CYFIP1: variants seen among roughly 807,000 people sequenced by gnomAD.
CYFIP1 encodes the protein cytoplasmic FMR1 interacting protein 1.
In CYFIP1, 58 loss-of-function variants were observed where a neutral mutation model predicts 163.5. The ratio of observed to expected loss-of-function variants is 0.35; its 90% CI spans 0.29 to 0.44. The LOEUF (loss-of-function observed/expected upper bound fraction) is 0.44. CYFIP1 is among the 20% of genes least tolerant of loss of function. The pLI is 1.00. For missense variants in CYFIP1, 1,338 were observed against 1,653.8 expected (o/e 0.81, Z 3.31); for synonymous variants, 663 against 660.7 (o/e 1.00, Z -0.05).
At chr15:22,914,681 G>A (rs372457357) in intron 17 of CYFIP1, 45 bp downstream of exon 17, 140 of 1,558,234 alleles carry the variant, frequency 9.0e-5, no homozygotes, top group Admixed American at 1.5e-4. Context: ...GAGGACCCCC[G>A]GTCACCACAC....
chr15:22,921,764 CAAA>C (rs35027433), intron 13 of CYFIP1, among the ~76,000 whole-genome samples: 1 of 58,186 alleles, frequency 1.7e-5, no homozygotes, highest in Non-Finnish European at 3.4e-5. Context: ...GACTCTGTCT[CAAA>C]AAAAAAAAAA....
intron 5 of CYFIP1, 56 bp downstream of exon 5, chr15:22,944,502 G>A: frequency 8.5e-7 from 1 of 1,178,640 alleles, no homozygotes; most frequent in Non-Finnish European, 1.3e-6. Context: ...GGGTAGGAAG[G>A]GGTCAGCAAC....
chr15:22,968,138 A>AAAAT (rs924618528), intron 1 of CYFIP1, among the ~76,000 whole-genome samples: 11 of 152,290 alleles, frequency 7.2e-5, no homozygotes, highest in South Asian at 4.1e-4. Context: ...TCCATCTCAA[A>AAAAT]AAATAAATAA....
At position 22,916,786 on chromosome 15, in the gene CYFIP1, G is replaced by A. The variant is rs766644777; in HGVS notation, c.1675-156C>T. 112 of 1,588,274 alleles carry A rather than the reference G, an allele frequency of 7.1e-5. 2 individuals are homozygous for A. The highest frequency in any genetic ancestry group is 6.8e-4 in the South Asian group (60 of 88,558). ...CCGAGGGGTCCGGGTGCCTGTCTAC[G>A]CGGCCACGTTGCTGCTGCTTTGGGG... On this transcript the variant is annotated intron_variant, in intron 15 of 30. Coordinates refer to ENST00000617928, the MANE Select transcript of CYFIP1 (RefSeq NM_014608.6).
intron 25 of CYFIP1, 105 bp from the exon 26 acceptor site, chr15:22,880,148 G>T: frequency 1.3e-6 from 2 of 1,485,362 alleles, no homozygotes; most frequent in East Asian, 2.3e-5. Flanking sequence ...CCGCCATCAA[G>T]CCTGGCTATA....
rs750716626 is a variant in CYFIP1, at chr15:22,873,586, G to T, written c.3354C>A (p.Val1118=). The change falls in exon 29 of 31, where the codon GTC becomes GTA. Residue 1118 remains valine (V), a synonymous_variant. Transcript: ENST00000617928. ...IWRGPLPSNG[V]MHVDECVEFH... ...ACTCCACACACTCGTCCACATGCAT[G>T]ACCCCATTGCTGGGCAGAGGCCCGC... 1.2e-6 allele frequency: 2 copies of T among 1,614,106 alleles called. No individual in the cohort carries two copies. Among genetic ancestry groups the T allele is most frequent in the Non-Finnish European group, 8.5e-7 (1 of 1,180,040 alleles).
Position 22,917,969 on chromosome 15 carries a change from G to C in CYFIP1, c.1527-34C>G, listed in dbSNP as rs370376422. 6.1e-5 allele frequency: 97 copies of C among 1,601,934 alleles called. No homozygotes were observed. Among genetic ancestry groups the C allele is most frequent in the Non-Finnish European group, 7.8e-5 (92 of 1,174,266 alleles). On this transcript the variant is annotated intron_variant, in intron 14 of 30. Transcript: ENST00000617928. This position sits in a 1 kb window ranked among gnomAD's most constrained non-coding sequence, Gnocchi z 4.2. ...CCCACCAAGTGATCAGCAAGGCCCA[G>C]AGGCCGAGACCTCCAGCCTCACAAT...
intron 1 of CYFIP1, among the ~76,000 whole-genome samples, chr15:22,947,528 C>G (rs938561634): frequency 1.3e-5 from 2 of 152,098 alleles, no homozygotes; most frequent in African/African-American, 4.8e-5. Flanking sequence ...ACAGGCTCTC[C>G]TGGCCTCCAG....
In CYFIP1 at chr15:22,918,745, G is replaced by T. The variant is rs780107999; in HGVS notation, c.1473C>A (p.Thr491=). 2 of 1,613,212 alleles carry T rather than the reference G, an allele frequency of 1.2e-6. No homozygotes were observed. Among genetic ancestry groups the T allele is most frequent in the African/African-American group, 2.7e-5 (2 of 74,874 alleles). The change falls in exon 14 of 31, where the codon ACC becomes ACA. Residue 491 remains threonine (T), a synonymous_variant. Transcript: ENST00000617928. ...YAALQDFSQV[T]LREPLRQAIK... is the part of the protein sequence containing the mutation. ...TGGCCTGCCGCAGCGGCTCCCTAAG[G>T]GTCACCTGGGAGAAGTCCTGCAGTG...
intron 1 of CYFIP1, among the ~76,000 whole-genome samples, chr15:22,967,178 C>T (rs974620909): frequency 1.3e-4 from 20 of 152,188 alleles, no homozygotes; most frequent in African/African-American, 4.6e-4. Context: ...GCTCTCCTAT[C>T]GCCCCTTCCC....
At chr15:22,953,832 G>T (rs1468212575) in intron 1 of CYFIP1, among the ~76,000 whole-genome samples, 1 of 152,200 alleles carries the variant, frequency 6.6e-6, no homozygotes, top group Non-Finnish European at 1.5e-5. Context: ...GAGGCGGGTG[G>T]ATCACGAAGT....
intron 1 of CYFIP1, among the ~76,000 whole-genome samples, chr15:22,951,806 C>T (rs2062258157): frequency 6.6e-6 from 1 of 152,172 alleles, no homozygotes; most frequent in Non-Finnish European, 1.5e-5. Context: ...TGGGGAGGGG[C>T]GCCACAGACA....
chr15:22,883,440 C>T (rs1034357177), intron 23 of CYFIP1, among the ~76,000 whole-genome samples: 42 of 152,086 alleles, frequency 2.8e-4, no homozygotes, highest in East Asian at 2.5e-3. Context: ...AGTGGGAAGG[C>T]GAGGAAGGTA....
chr15:22,879,548 GA>G (rs1357754934), intron 26 of CYFIP1, among the ~76,000 whole-genome samples: 1 of 152,006 alleles, frequency 6.6e-6, no homozygotes, highest in Non-Finnish European at 1.5e-5. Flanking sequence ...CAGTCACACT[GA>G]GCCACACTTC....
intron 1 of CYFIP1, among the ~76,000 whole-genome samples, chr15:22,954,883 G>A (rs1028476547): frequency 1.3e-5 from 2 of 152,082 alleles, no homozygotes; most frequent in African/African-American, 2.4e-5. Context: ...TCAGAGTCCC[G>A]GGTCAATCTC....
chr15:22,971,771 G>C (rs2063105181), intron 1 of CYFIP1, among the ~76,000 whole-genome samples: 1 of 152,282 alleles, frequency 6.6e-6, no homozygotes, highest in South Asian at 2.1e-4. Flanking sequence ...TCAGGAGGCT[G>C]AAGTGGGAGG....
intron 12 of CYFIP1, among the ~76,000 whole-genome samples, chr15:22,927,606 T>C (rs1345376889): frequency 6.6e-6 from 1 of 151,836 alleles, no homozygotes; most frequent in East Asian, 1.9e-4. Context: ...TAGGGACTTA[T>C]GTTTGCACCA....
At position 22,932,291 on chromosome 15, in the gene CYFIP1, G is replaced by T; in HGVS notation, c.1042C>A (p.Gln348Lys). The T allele has an allele frequency of 6.2e-7, 1 of 1,612,876 alleles. No homozygotes were observed. Among genetic ancestry groups the T allele is most frequent in the Non-Finnish European group, 8.5e-7 (1 of 1,179,480 alleles). ...TGGTCCTCGCGGATCTGGATCATCT[G>T]CTCGCAGATGTTGTACTGAGGGCTG... is the stretch of plus-strand genomic sequence containing the variant. ...GSSPQYNICEQMIQIREDHMR... is the reference protein window; with the variant it reads ...GSSPQYNICEKMIQIREDHMR... The change falls in exon 11 of 31, where the codon CAG (glutamine) becomes AAG (lysine). Residue 348 changes from glutamine (Q) to lysine (K), a missense_variant. By Grantham distance (53) the Gln-to-Lys change is moderately conservative (BLOSUM62 1). Around this residue, in one of 4 missense-constraint regions of CYFIP1, gnomAD observed 824 missense variants for 995.7 expected, o/e 0.83. Transcript: ENST00000617928.
intron 1 of CYFIP1, among the ~76,000 whole-genome samples, chr15:22,968,138 AAAAT>A (rs924618528): frequency 1.3e-5 from 2 of 152,290 alleles, no homozygotes; most frequent in African/African-American, 4.8e-5. Context: ...TCCATCTCAA[AAAAT>A]AAATAAATAA....
Sources: allele counts gnomAD v4.1 joint callset (sites outside exome capture counted in the v4.1 genomes callset), GRCh38; gene constraint gnomAD v4.1.1; regional missense constraint gnomAD v4.1.1; non-coding constraint Gnocchi (gnomAD v3.1); transcripts MANE v1.5; gene names NCBI Gene and HGNC (gene_info 2026-07-23, HGNC 2026-07-21).